Variants in COL4A1 observed in about 807,000 individuals in gnomAD.
COL4A1 encodes collagen alpha-1(IV) chain.
A neutral mutation model predicts 216.6 loss-of-function variants in COL4A1; 40 were observed. The observed-to-expected ratio is 0.18, with a 90% CI of 0.14 to 0.24. The LOEUF is 0.24. Among genes scored for constraint, COL4A1 ranks in the 10% least tolerant of loss-of-function variants. The pLI, the probability that COL4A1 is intolerant of heterozygous loss-of-function variation, is 1.00. For synonymous variants in COL4A1, 839 were observed against 810.7 expected, an observed-to-expected ratio of 1.03 and a Z score of -0.59; for missense variants, 1,628 against 2,196.8, an observed-to-expected ratio of 0.74 and a Z score of 5.18.
rs535051971 is a variant in COL4A1 at position 110,190,168 on chromosome 13, T to A, written c.1536+2046A>T. 3.3e-5 allele frequency among the ~76,000 whole-genome samples: 5 copies of A among 152,146 alleles called. No homozygotes were observed. The South Asian group carries it at 1.0e-3, about 32-fold the overall frequency. On this transcript the variant is annotated intron_variant, in intron 24 of 51. Transcript: ENST00000375820. Reference sequence around the variant, plus strand: ...TCTATTTACGGGAGAAATCTGGGTTTTTAAAACAGTGACATTGGTGACCCT... The same window carrying A: ...TCTATTTACGGGAGAAATCTGGGTTATTAAAACAGTGACATTGGTGACCCT...
At chr13:110,245,621 A>C (rs747704279) in intron 1 of COL4A1, among the ~76,000 whole-genome samples, 2 of 152,182 alleles carry the variant, frequency 1.3e-5, no homozygotes, top group Non-Finnish European at 2.9e-5. Flanking sequence ...AGGTTGATAA[A>C]ATCTCAGAAG....
intron 2 of COL4A1, among the ~76,000 whole-genome samples, chr13:110,220,669 C>T (rs1472783680): frequency 6.7e-6 from 1 of 150,236 alleles, no homozygotes; most frequent in Non-Finnish European, 1.5e-5. Flanking sequence ...ATTTCATGGG[C>T]CTCCACCGTC....
chr13:110,214,433 T>C (rs562806655), intron 2 of COL4A1, among the ~76,000 whole-genome samples: 119 of 152,300 alleles, frequency 7.8e-4, no homozygotes, highest in Non-Finnish European at 1.5e-3. Flanking sequence ...GGTCACAGGA[T>C]AATCAGAGAG....
At chr13:110,218,435 G>A (rs1167373670) in intron 2 of COL4A1, among the ~76,000 whole-genome samples, 1 of 152,082 alleles carries the variant, frequency 6.6e-6, no homozygotes, top group Non-Finnish European at 1.5e-5. Flanking sequence ...CATGTGCTGG[G>A]TGCATCCAAG....
chr13:110,177,994 G>A, intron 32 of COL4A1, 63 bp from the exon 33 acceptor site: 2 of 1,613,776 alleles, frequency 1.2e-6, no homozygotes, highest in Middle Eastern at 1.6e-4. Context: ...TAAATGCTGA[G>A]TCATAAAAAG....
chr13:110,227,083 C>T (rs600892), intron 2 of COL4A1, among the ~76,000 whole-genome samples: 47,276 of 151,922 alleles, frequency 0.31, 7,607 homozygotes, highest in Non-Finnish European at 0.34. Flanking sequence ...ATCAGTAAGA[C>T]CTTATTTAAT....
intron 1 of COL4A1, among the ~76,000 whole-genome samples, chr13:110,301,759 T>C (rs934325838): frequency 2.0e-5 from 3 of 152,064 alleles, no homozygotes; most frequent in African/African-American, 7.2e-5. Context: ...ACAGCTTCTG[T>C]GGAATGCAGA....
At chr13:110,166,912 C>T (rs1356979582) in intron 44 of COL4A1, among the ~76,000 whole-genome samples, 1 of 152,176 alleles carries the variant, frequency 6.6e-6, no homozygotes, top group East Asian at 1.9e-4. Context: ...AAATCCATGA[C>T]TTCTTATTGA....
At chr13:110,179,501 C>T (rs1878053700) in intron 29 of COL4A1, 80 bp from the exon 30 acceptor site, 1 of 1,595,574 alleles carries the variant, frequency 6.3e-7, no homozygotes, top group African/African-American at 1.3e-5. Context: ...TAAGTGAAGA[C>T]TTAACAGATA....
At chr13:110,229,063 A>C (rs113437224) in intron 2 of COL4A1, among the ~76,000 whole-genome samples, 2 of 151,952 alleles carry the variant, frequency 1.3e-5, no homozygotes, top group Non-Finnish European at 2.9e-5. Context: ...GGATGAAGGC[A>C]CATTGGCTCA....
At chr13:110,267,725 A>G (rs933380452) in intron 1 of COL4A1, among the ~76,000 whole-genome samples, 3 of 152,238 alleles carry the variant, frequency 2.0e-5, no homozygotes, top group African/African-American at 4.8e-5. Context: ...AAAATTTGCA[A>G]TATTTCAGGA....
chr13:110,178,149 A>G lies in COL4A1; in HGVS notation c.2541T>C (p.Ala847=). ...DMPGPKGDKG[A]QGLPGITGQS... is the part of the protein sequence containing the mutation. ...GTCCCGTTATGCCAGGGAGTCCTTGAGCCCCTTTATCTCCTTTAGGGCCCG... is the reference window on the plus strand; with the variant it reads ...GTCCCGTTATGCCAGGGAGTCCTTGGGCCCCTTTATCTCCTTTAGGGCCCG... Residue 847 remains alanine, a synonymous_variant, in exon 32 of 52, where the codon GCT becomes GCC. Coordinates refer to ENST00000375820, the MANE Select transcript of COL4A1 (RefSeq NM_001845.6). 1 of 1,614,166 alleles carries G rather than the reference A, an allele frequency of 6.2e-7. No homozygotes were observed. Among genetic ancestry groups the G allele is most frequent in the Non-Finnish European group, 8.5e-7 (1 of 1,180,024 alleles).
intron 1 of COL4A1, among the ~76,000 whole-genome samples, chr13:110,252,152 T>A (rs1055037068): frequency 1.3e-5 from 2 of 152,062 alleles, no homozygotes; most frequent in Non-Finnish European, 2.9e-5. Context: ...GCCTCCCAAG[T>A]AGCTGGGATT....
chr13:110,231,083 C>CAAA (rs1881036494), intron 2 of COL4A1, among the ~76,000 whole-genome samples: 1 of 152,228 alleles, frequency 6.6e-6, no homozygotes, highest in Non-Finnish European at 1.5e-5. Context: ...AGCCCTGACT[C>CAAA]AGAAAAACAC....
intron 2 of COL4A1, among the ~76,000 whole-genome samples, chr13:110,236,853 G>T (rs1463843480): frequency 6.6e-6 from 1 of 152,218 alleles, no homozygotes; most frequent in African/African-American, 2.4e-5. Flanking sequence ...TCCAGAATGG[G>T]GTGGGATGCA....
intron 1 of COL4A1, chr13:110,265,139 T>C (rs1882977732): frequency 1.3e-5 from 2 of 152,204 alleles, no homozygotes; most frequent in South Asian, 4.1e-4. Flanking sequence ...TTTCAAGTGA[T>C]CTGGGAATGA....
intron 48 of COL4A1, chr13:110,162,012 G>A (rs1877107510): frequency 1.6e-6 from 1 of 624,152 alleles, no homozygotes; most frequent in Non-Finnish European, 2.9e-6. Context: ...CACATTTCTT[G>A]GCTTGCCATT....
At chr13:110,159,285 A>G (rs934375333) in intron 49 of COL4A1, among the ~76,000 whole-genome samples, 1 of 152,058 alleles carries the variant, frequency 6.6e-6, no homozygotes, top group Non-Finnish European at 1.5e-5. Flanking sequence ...GAGTGTGTGT[A>G]TTATTGTATA....
chr13:110,214,143 G>A, intron 2 of COL4A1, 128 bp from the exon 3 acceptor site: 1 of 775,492 alleles, frequency 1.3e-6, no homozygotes, highest in Non-Finnish European at 2.2e-6. Flanking sequence ...GCCCAGGCTG[G>A]AGTGCATGCA....
Sources: gnomAD v4.1 joint callset for allele counts (sites outside exome capture counted in the v4.1 genomes callset) on GRCh38, gnomAD v4.1.1 for gene constraint, MANE v1.5 for transcripts, NCBI Gene and HGNC (gene_info 2026-07-23, HGNC 2026-07-21) for gene names.